Variants in CDKAL1 observed in about 807,000 individuals in gnomAD.
The protein encoded by CDKAL1 is CDKAL1 threonylcarbamoyladenosine tRNA methylthiotransferase.
A neutral mutation model predicts 68.2 loss-of-function variants in CDKAL1; 32 were observed. The observed-to-expected ratio is 0.47, with a 90% confidence interval of 0.35 to 0.63. The LOEUF is 0.63. CDKAL1 is among the 30% of genes least tolerant of loss of function. The pLI is 0.00. For missense variants in CDKAL1, 606 were observed against 696.7 expected (o/e 0.87, Z 1.47); for synonymous variants, 234 against 244.3 (o/e 0.96, Z 0.39).
At chr6:21,022,285 A>G (rs1378254816) in intron 11 of CDKAL1, among the ~76,000 whole-genome samples, 2 of 152,252 alleles carry the variant, frequency 1.3e-5, no homozygotes, top group Admixed American at 1.3e-4. Flanking sequence ...ATAAATAAAC[A>G]TAACATTTGT....
intron 13 of CDKAL1, among the ~76,000 whole-genome samples, chr6:21,114,313 C>T (rs1263274656): frequency 6.7e-6 from 1 of 149,102 alleles, no homozygotes; most frequent in Non-Finnish European, 1.5e-5. Context: ...GGGTAAGGGA[C>T]CAAAAAAAAT....
chr6:20,809,867 A>G (rs974065231), intron 8 of CDKAL1, among the ~76,000 whole-genome samples: 4 of 152,198 alleles, frequency 2.6e-5, no homozygotes, highest in African/African-American at 7.2e-5. Flanking sequence ...CTTCCTTAAG[A>G]TATTTTTACT....
chr6:20,552,365 A>G (rs1763868853), intron 4 of CDKAL1, among the ~76,000 whole-genome samples: 1 of 151,678 alleles, frequency 6.6e-6, no homozygotes, highest in Admixed American at 6.6e-5. Context: ...AAAGGCCCTG[A>G]GATAATTTCC....
At chr6:21,030,506 AGAG>A (rs1769221064) in intron 11 of CDKAL1, among the ~76,000 whole-genome samples, 1 of 152,188 alleles carries the variant, frequency 6.6e-6, no homozygotes, top group African/African-American at 2.4e-5. Flanking sequence ...AAAATTAAAA[AGAG>A]AGATGTTCAT....
intron 4 of CDKAL1, among the ~76,000 whole-genome samples, chr6:20,604,151 C>T (rs1053630492): frequency 1.3e-5 from 2 of 152,110 alleles, no homozygotes; most frequent in African/African-American, 4.8e-5. Flanking sequence ...GACAGAACAA[C>T]GTGCTGTGTG....
chr6:20,836,373 C>T (rs1184856925), intron 8 of CDKAL1, among the ~76,000 whole-genome samples: 2 of 152,106 alleles, frequency 1.3e-5, no homozygotes, highest in Non-Finnish European at 2.9e-5. Flanking sequence ...AAAAATTCAG[C>T]GTAAGTTGCA....
At chr6:20,981,862 A>T (rs1422843278) in intron 10 of CDKAL1, among the ~76,000 whole-genome samples, 2 of 152,096 alleles carry the variant, frequency 1.3e-5, no homozygotes, top group East Asian at 3.9e-4. Flanking sequence ...AAAATTGTTG[A>T]TGGTCCCCAT....
At chr6:21,226,017 A>G (rs1399017449) in intron 15 of CDKAL1, among the ~76,000 whole-genome samples, 1 of 152,210 alleles carries the variant, frequency 6.6e-6, no homozygotes, top group African/African-American at 2.4e-5. Context: ...TGGAGGCAAA[A>G]AGAGGATAAA....
At chr6:20,910,461 AC>A (rs1561877365) in intron 9 of CDKAL1, among the ~76,000 whole-genome samples, 2 of 152,190 alleles carry the variant, frequency 1.3e-5, no homozygotes, top group Admixed American at 1.3e-4. Flanking sequence ...CTATCTGGCA[AC>A]CTTTCCTGTG....
chr6:20,619,807 C>G (rs1173997718), intron 4 of CDKAL1, among the ~76,000 whole-genome samples: 1 of 152,172 alleles, frequency 6.6e-6, no homozygotes, highest in African/African-American at 2.4e-5. Flanking sequence ...TGTGAATTCA[C>G]TAGCCAGTCA....
intron 9 of CDKAL1, among the ~76,000 whole-genome samples, chr6:20,902,817 G>A (rs1377140785): frequency 2.4e-4 from 36 of 152,150 alleles, no homozygotes; most frequent in Admixed American, 1.5e-3. Context: ...GGGGGGTGAC[G>A]GCAGGTCATT....
At chr6:20,828,921 A>G (rs1777605987) in intron 8 of CDKAL1, among the ~76,000 whole-genome samples, 1 of 152,136 alleles carries the variant, frequency 6.6e-6, no homozygotes. Flanking sequence ...GGTACCTCAT[A>G]TAAGTAGAAT....
intron 11 of CDKAL1, among the ~76,000 whole-genome samples, chr6:21,062,358 G>A (rs1363747025): frequency 6.6e-6 from 1 of 152,014 alleles, no homozygotes; most frequent in African/African-American, 2.4e-5. Context: ...TTATTGAAAA[G>A]GCAAGTATAA....
intron 7 of CDKAL1, among the ~76,000 whole-genome samples, chr6:20,773,415 C>G (rs1029541027): frequency 2.0e-5 from 3 of 152,130 alleles, no homozygotes; most frequent in Non-Finnish European, 2.9e-5. Flanking sequence ...AAAGTGGTAA[C>G]TATGGACATT....
intron 4 of CDKAL1, among the ~76,000 whole-genome samples, chr6:20,634,243 A>G (rs1358505641): frequency 6.6e-6 from 1 of 152,222 alleles, no homozygotes; most frequent in Non-Finnish European, 1.5e-5. Context: ...CTTTTCAAAT[A>G]TTTGAATAAG....
At chr6:20,759,889 G>T (rs1025518463) in intron 7 of CDKAL1, among the ~76,000 whole-genome samples, 1 of 152,046 alleles carries the variant, frequency 6.6e-6, no homozygotes, top group African/African-American at 2.4e-5. Flanking sequence ...TCTCACTTAA[G>T]TACTGTTTTG....
intron 12 of CDKAL1, among the ~76,000 whole-genome samples, chr6:21,068,214 T>G (rs1344379729): frequency 8.3e-6 from 1 of 120,274 alleles, no homozygotes; most frequent in East Asian, 2.2e-4. Context: ...TTCTTCATTT[T>G]AATGTAGAAT....
chr6:21,089,727 C>T (rs906981840), intron 12 of CDKAL1, among the ~76,000 whole-genome samples: 2 of 152,140 alleles, frequency 1.3e-5, no homozygotes, highest in African/African-American at 2.4e-5. Flanking sequence ...CAGCTTGAAG[C>T]GTCATGGGTG....
chr6:20,994,819 C>A (rs1437224021), intron 10 of CDKAL1, among the ~76,000 whole-genome samples: 1 of 152,114 alleles, frequency 6.6e-6, no homozygotes, highest in Non-Finnish European at 1.5e-5. Context: ...GAGTTATTAT[C>A]TTTTTGCTTG....
Sources: gnomAD v4.1 joint callset for allele counts (sites outside exome capture counted in the v4.1 genomes callset) on GRCh38, gnomAD v4.1.1 for gene constraint, MANE v1.5 for transcripts, NCBI Gene and HGNC (gene_info 2026-07-23, HGNC 2026-07-21) for gene names.